Variants in WDFY3 observed in about 807,000 individuals in gnomAD.
WDFY3 encodes WD repeat and FYVE domain containing 3.
A neutral mutation model predicts 409.6 loss-of-function variants in WDFY3; 66 were observed. The ratio of observed to expected loss-of-function variants is 0.16; its 90% confidence interval spans 0.13 to 0.20. The LOEUF is 0.20. WDFY3 is among the 10% of genes least tolerant of loss of function. The pLI is 1.00. For missense variants in WDFY3, 3,031 were observed against 4,298.1 expected (o/e 0.71, Z 8.24); for synonymous variants, 1,521 against 1,537.1 (o/e 0.99, Z 0.25).
At chr4:84,704,939 T>C (rs534002246) in intron 54 of WDFY3, among the ~76,000 whole-genome samples, 1 of 152,300 alleles carries the variant, frequency 6.6e-6, no homozygotes, top group Non-Finnish European at 1.5e-5. Flanking sequence ...TTTGCCTTTT[T>C]GAGGGAGAAA....
At chr4:84,835,494 G>A (rs187110839) in intron 7 of WDFY3, among the ~76,000 whole-genome samples, 21 of 152,300 alleles carry the variant, frequency 1.4e-4, no homozygotes, top group Admixed American at 1.2e-3. Flanking sequence ...CTCTGAAGTC[G>A]TGGGGTTATC....
chr4:84,749,756 T>TAATC (rs1187522765), intron 36 of WDFY3, among the ~76,000 whole-genome samples: 1 of 152,188 alleles, frequency 6.6e-6, no homozygotes, highest in African/African-American at 2.4e-5. Flanking sequence ...AAGCAGTTTA[T>TAATC]AATCTATCTG....
At chr4:84,758,802 A>G (rs551439071) in intron 32 of WDFY3, among the ~76,000 whole-genome samples, 1 of 152,310 alleles carries the variant, frequency 6.6e-6, no homozygotes, top group East Asian at 1.9e-4. Context: ...GGCAGAAATT[A>G]CTATTATCAT....
At chr4:84,935,463 G>A (rs1419403891) in intron 1 of WDFY3, among the ~76,000 whole-genome samples, 2 of 152,160 alleles carry the variant, frequency 1.3e-5, no homozygotes, top group African/African-American at 2.4e-5. Flanking sequence ...TAATGATGCT[G>A]AGTATTTCTT....
chr4:84,698,073 C>G (rs965391004), intron 56 of WDFY3, among the ~76,000 whole-genome samples: 1 of 152,056 alleles, frequency 6.6e-6, no homozygotes, highest in Non-Finnish European at 1.5e-5. Flanking sequence ...TTGAATCTCC[C>G]TGAAATGCCC....
At chr4:84,922,677 T>A (rs1769443871) in intron 2 of WDFY3, among the ~76,000 whole-genome samples, 1 of 152,166 alleles carries the variant, frequency 6.6e-6, no homozygotes, top group African/African-American at 2.4e-5. Flanking sequence ...TGCTGTTTTT[T>A]GAGACAGGGT....
intron 51 of WDFY3, among the ~76,000 whole-genome samples, chr4:84,712,793 GAATA>G (rs1344585547): frequency 1.3e-5 from 2 of 152,072 alleles, no homozygotes; most frequent in South Asian, 2.1e-4. Context: ...TATATGTGAT[GAATA>G]GATAGCGAAT....
chr4:84,883,905 C>T (rs1763862252), intron 3 of WDFY3, among the ~76,000 whole-genome samples: 1 of 152,008 alleles, frequency 6.6e-6, no homozygotes, highest in Admixed American at 6.6e-5. Flanking sequence ...GACCTAACTA[C>T]CCCTAAAAAG....
chr4:84,690,356 A>T, intron 61 of WDFY3, 150 bp downstream of exon 61: 3 of 1,143,894 alleles, frequency 2.6e-6, no homozygotes, highest in Non-Finnish European at 3.6e-6. Flanking sequence ...TTTTTTTTTC[A>T]AAAAAGTATT....
chr4:84,840,306 T>G (rs1222594936), intron 6 of WDFY3, among the ~76,000 whole-genome samples: 1 of 152,200 alleles, frequency 6.6e-6, no homozygotes, highest in Non-Finnish European at 1.5e-5. Context: ...ATCTCCAGAA[T>G]AAATCAAATG....
intron 29 of WDFY3, among the ~76,000 whole-genome samples, chr4:84,773,877 T>C (rs1259341988): frequency 6.6e-6 from 1 of 152,044 alleles, no homozygotes; most frequent in Middle Eastern, 3.2e-3. Context: ...CCCACCACCA[T>C]GCCTGGCTAA....
At chr4:84,719,124 G>A (rs148635937) in intron 47 of WDFY3, among the ~76,000 whole-genome samples, 1 of 152,234 alleles carries the variant, frequency 6.6e-6, no homozygotes, top group Non-Finnish European at 1.5e-5. Flanking sequence ...GTGAGATAAT[G>A]TACATAATCA....
intron 8 of WDFY3, among the ~76,000 whole-genome samples, chr4:84,831,185 CA>C (rs56810528): frequency 9.8e-4 from 101 of 103,304 alleles, no homozygotes; most frequent in African/African-American, 1.3e-3. Flanking sequence ...AGACTCCATC[CA>C]AAAAAAAAAA....
At chr4:84,692,564 T>G (rs1252209486) in intron 59 of WDFY3, among the ~76,000 whole-genome samples, 1 of 152,196 alleles carries the variant, frequency 6.6e-6, no homozygotes, top group Admixed American at 6.5e-5. Context: ...AATGAAATTA[T>G]GAAGACAAAT....
At chr4:84,850,553 G>C (rs1417715558) in intron 4 of WDFY3, among the ~76,000 whole-genome samples, 5 of 152,110 alleles carry the variant, frequency 3.3e-5, no homozygotes, top group African/African-American at 1.2e-4. Context: ...CTGACCTCTG[G>C]TGATCCGCCT....
chr4:84,872,322 A>G (rs1300636677), intron 3 of WDFY3, among the ~76,000 whole-genome samples: 3 of 151,950 alleles, frequency 2.0e-5, no homozygotes, highest in Non-Finnish European at 4.4e-5. Flanking sequence ...AAAATTAGCC[A>G]GGCGTGGTGG....
chr4:84,736,718 G>T lies in WDFY3; in HGVS notation c.6758-391C>A, dbSNP rs192853893. Among the ~76,000 whole-genome samples the T allele has an allele frequency of 6.6e-5, 10 of 152,102 alleles. 1 individual carries two copies. Among genetic ancestry groups the T allele is most frequent in the Non-Finnish European group, 1.3e-4 (9 of 68,000 alleles). ...CACTAGATTATATAATGCCACCAGA[G>T]AATCTATGGTAATAAGCTATAATTT... On this transcript the variant is annotated intron_variant, in intron 41 of 67. Transcript: ENST00000295888.
intron 3 of WDFY3, among the ~76,000 whole-genome samples, chr4:84,875,402 G>C (rs1364611072): frequency 6.6e-6 from 1 of 152,010 alleles, no homozygotes; most frequent in African/African-American, 2.4e-5. Context: ...AGTTGCTCTG[G>C]GTGAGTCAGT....
chr4:84,718,298 T>C, intron 48 of WDFY3, 124 bp downstream of exon 48: 1 of 951,756 alleles, frequency 1.1e-6, no homozygotes, highest in Admixed American at 2.8e-5. Context: ...TAATGATGAA[T>C]GCACACAAAC....
Sources: allele counts gnomAD v4.1 joint callset (sites outside exome capture counted in the v4.1 genomes callset), GRCh38; gene constraint gnomAD v4.1.1; transcripts MANE v1.5; gene names NCBI Gene and HGNC (gene_info 2026-07-23, HGNC 2026-07-21).